Variants in PEAR1 observed in about 807,000 individuals in gnomAD.
PEAR1 encodes the protein platelet endothelial aggregation receptor 1.
Under a neutral mutation model 131.2 loss-of-function variants are expected in PEAR1, and 113 were observed. That is an observed-to-expected ratio of 0.86 (90% confidence interval 0.74 to 1.01). The LOEUF (loss-of-function observed/expected upper bound fraction) is 1.01. Ranked by LOEUF, PEAR1 falls within the 50% of genes least tolerant of loss-of-function variation. PEAR1 has a pLI of 0.00. For missense variants in PEAR1, 1,408 were observed against 1,391.1 expected (o/e 1.01, Z -0.19); for synonymous variants, 565 against 523.3 (o/e 1.08, Z -1.09).
chr1:156,907,453 G>T (rs1027287257), intron 6 of PEAR1, among the ~76,000 whole-genome samples, 157 bp from the exon 7 acceptor site: 1 of 152,166 alleles, frequency 6.6e-6, no homozygotes, highest in Non-Finnish European at 1.5e-5. Flanking sequence ...TTCCAGTCCT[G>T]GAAACCTTTG....
At chr1:156,901,927 G>T (rs1649721303) in intron 1 of PEAR1, among the ~76,000 whole-genome samples, 1 of 152,142 alleles carries the variant, frequency 6.6e-6, no homozygotes, top group Non-Finnish European at 1.5e-5. Flanking sequence ...CTATTTGGGA[G>T]TGGGGATGTG....
chr1:156,896,752 C>T (rs1463886669), intron 1 of PEAR1, among the ~76,000 whole-genome samples: 1 of 152,184 alleles, frequency 6.6e-6, no homozygotes, highest in African/African-American at 2.4e-5. Context: ...GATGAGGGCT[C>T]AGGCGGTGTG....
intron 3 of PEAR1, among the ~76,000 whole-genome samples, 154 bp from the exon 4 acceptor site, chr1:156,905,170 C>T (rs1650126017): frequency 6.6e-6 from 1 of 151,970 alleles, no homozygotes; most frequent in African/African-American, 2.4e-5. Context: ...GTGGCGAGAT[C>T]GTAGTGCACT....
chr1:156,909,715 G>A (rs764099091), intron 11 of PEAR1, 36 bp from the exon 12 acceptor site: 1 of 1,559,664 alleles, frequency 6.4e-7, no homozygotes, highest in Admixed American at 1.8e-5. Context: ...GAAGGGAAAT[G>A]GGTCCCCATA....
At position 156,912,585 on chromosome 1, in the gene PEAR1, A is replaced by G. The variant is rs752224242; in HGVS notation, c.2172A>G (p.Val724=). The G allele has an allele frequency of 1.9e-5, 30 of 1,613,950 alleles. No homozygotes were observed. Among genetic ancestry groups the G allele is most frequent in the Non-Finnish European group, 2.4e-5 (28 of 1,180,000 alleles). ...GCCACCCAGAGACTGGGGCCTGTGT[A>G]TGTCCCCCAGGGCACAGTGGTGCAC... is the stretch of plus-strand genomic sequence containing the variant. ...EKCHPETGAC[V]CPPGHSGAPC... Residue 724 remains valine (V), a synonymous_variant, in exon 17 of 23, where the codon GTA becomes GTG. Coordinates refer to ENST00000292357, the MANE Select transcript of PEAR1 (RefSeq NM_001080471.3).
chr1:156,906,325 G>A lies in PEAR1; in HGVS notation c.357G>A (p.Gln119=). 1 of 1,614,222 alleles carries A rather than the reference G, an allele frequency of 6.2e-7. No homozygotes were observed. Among genetic ancestry groups the A allele is most frequent in the South Asian group, 1.1e-5 (1 of 91,082 alleles). Residue 119 remains glutamine, a synonymous_variant, in exon 5 of 23, where the codon CAG becomes CAA. Transcript: ENST00000292357. ...CVHGRCVAPN[Q]CQCVPGWRGD... ...ATGGCCGTTGTGTGGCACCCAATCAGTGCCAATGTGTGCCAGGCTGGCGGG... is the reference window on the plus strand; with the variant it reads ...ATGGCCGTTGTGTGGCACCCAATCAATGCCAATGTGTGCCAGGCTGGCGGG...
At chr1:156,905,068 T>C (rs1220979874) in intron 3 of PEAR1, 52 of 1,279,794 alleles carry the variant, frequency 4.1e-5, no homozygotes, top group Non-Finnish European at 5.5e-5. Flanking sequence ...TGTTACAGTA[T>C]ATGCCTGTGG....
intron 15 of PEAR1, among the ~76,000 whole-genome samples, chr1:156,911,452 G>A (rs1651195634): frequency 6.6e-6 from 1 of 151,406 alleles, no homozygotes; most frequent in African/African-American, 2.4e-5. Context: ...GCTAATTTTT[G>A]TATGTTTAGT....
In PEAR1 at chr1:156,908,877, G is replaced by C. The variant is rs1194864187; in HGVS notation, c.1291-39G>C. 6.2e-7 allele frequency: 1 copy of C among 1,609,278 alleles called. No homozygotes were observed. The highest frequency in any genetic ancestry group is 1.1e-5 in the South Asian group (1 of 91,054). ...GAAGCGAGGCAGGTGGAGAGGCCAAGGAATGGGCCGCCCCTCTCACCCGCT... is the reference window on the plus strand; with the variant it reads ...GAAGCGAGGCAGGTGGAGAGGCCAACGAATGGGCCGCCCCTCTCACCCGCT... On this transcript the variant is annotated intron_variant, in intron 10 of 22. Transcript: ENST00000292357. The surrounding 1 kb of genome is among the most constrained non-coding windows in gnomAD (Gnocchi z 4.2).
intron 3 of PEAR1, 54 bp from the exon 4 acceptor site, chr1:156,905,268 CTG>C: frequency 1.3e-6 from 2 of 1,560,734 alleles, no homozygotes; most frequent in African/African-American, 2.7e-5. Context: ...CCTGGCCACA[CTG>C]TGGTGAGTGC....
rs1178741489 is a variant in PEAR1, at chr1:156,915,529, C to G, written c.*731C>G. 1 of 152,362 alleles carries G rather than the reference C, an allele frequency of 6.6e-6. No individual in the cohort carries two copies. Among genetic ancestry groups the G allele is most frequent in the African/African-American group, 2.4e-5 (1 of 41,458 alleles). 9.4% of individuals were successfully genotyped at this position (152,362 alleles called of 1,614,324 possible). On this transcript the variant is annotated 3_prime_UTR_variant, in exon 23 of 23. Coordinates refer to ENST00000292357, the MANE Select transcript of PEAR1 (RefSeq NM_001080471.3). ...TCTTTCTGGCACAGGGACCTGCACA[C>G]CTGGAGTGCCCTTCCTCCCCCACTC...
intron 5 of PEAR1, 92 bp from the exon 6 acceptor site, chr1:156,906,545 G>GGGCTGGGAGACAGA: frequency 6.4e-7 from 1 of 1,572,280 alleles, no homozygotes; most frequent in Middle Eastern, 2.0e-4. Flanking sequence ...GGGCCTGTGG[G>GGGCTGGGAGACAGA]GGCTGGGAGA....
rs1033392404 is a variant in PEAR1, at chr1:156,902,640, A to T, written c.-9-1278A>T. On this transcript the variant is annotated intron_variant, in intron 1 of 22. Transcript: ENST00000292357. This position sits in a 1 kb window ranked among gnomAD's most constrained non-coding sequence, Gnocchi z 4.3. Reference sequence around the variant, plus strand: ...AGGGCCAGGCAGCAACATTCCAGAGATACTCAGGGGGGTAAGGGGCCAGCA... The same window carrying T: ...AGGGCCAGGCAGCAACATTCCAGAGTTACTCAGGGGGGTAAGGGGCCAGCA... Among the ~76,000 whole-genome samples the T allele has an allele frequency of 2.6e-5, 4 of 151,880 alleles. No individual in the cohort carries two copies. Among genetic ancestry groups the T allele is most frequent in the Admixed American group, 1.3e-4 (2 of 15,248 alleles).
chr1:156,914,342 G>A (rs1242793380), intron 22 of PEAR1, among the ~76,000 whole-genome samples: 1 of 152,190 alleles, frequency 6.6e-6, no homozygotes, highest in African/African-American at 2.4e-5. Context: ...AAGTGGGGTC[G>A]TACAGCATCA....
At chr1:156,906,926 G>C (rs1175027612) in intron 6 of PEAR1, 46 bp downstream of exon 6, 3 of 1,582,762 alleles carry the variant, frequency 1.9e-6, no homozygotes, top group Non-Finnish European at 2.6e-6. Context: ...GCAGACACAA[G>C]GCCACACAGA....
rs190050309 is a variant in PEAR1 at position 156,914,683 on chromosome 1, C to G, written c.2999C>G (p.Pro1000Arg). Residue 1000 changes from proline to arginine, a missense_variant, in exon 23 of 23, where the codon CCG becomes CGG. Coordinates refer to ENST00000292357, the MANE Select transcript of PEAR1 (RefSeq NM_001080471.3). ...DSVGSQPPLP[P>R]GLPPGHYDSP... ...GTGGGCTCCCAGCCCCCTCTGCCTCCGGGCCTACCCCCCGGCCACTATGAC... is the reference window on the plus strand; with the variant it reads ...GTGGGCTCCCAGCCCCCTCTGCCTCGGGGCCTACCCCCCGGCCACTATGAC... The G allele has an allele frequency of 6.2e-7, 1 of 1,613,468 alleles. No homozygotes were observed. Among genetic ancestry groups the G allele is most frequent in the African/African-American group, 1.3e-5 (1 of 74,902 alleles).
At chr1:156,904,906 G>GCCTGGCC in intron 3 of PEAR1, 54 bp downstream of exon 3, 5 of 1,610,566 alleles carry the variant, frequency 3.1e-6, no homozygotes, top group Non-Finnish European at 4.2e-6. Context: ...CGCTGCCTCA[G>GCCTGGCC]CCTGGCCCCT....
At chr1:156,913,039 T>C in intron 18 of PEAR1, 57 bp downstream of exon 18, 1 of 1,600,052 alleles carries the variant, frequency 6.2e-7, no homozygotes, top group African/African-American at 1.3e-5. Flanking sequence ...GGCACAAGAG[T>C]GGATGCTGGG....
chr1:156,907,734 T>G lies in PEAR1; in HGVS notation c.765+4T>G, dbSNP rs767148019. On this transcript the variant is annotated splice_donor_region_variant and intron_variant, in intron 7 of 22. Transcript: ENST00000292357. ...CAGCTGCCCCCCTGGCTGGATGGTA[T>G]GGAGGGTGGGGCCTGTGGGCATGGG... 5.0e-6 allele frequency: 8 copies of G among 1,603,292 alleles called. No homozygotes were observed. The Admixed American group carries it at 1.2e-4, about 24-fold the overall frequency.
Sources: allele counts gnomAD v4.1 joint callset (sites outside exome capture counted in the v4.1 genomes callset), GRCh38; gene constraint gnomAD v4.1.1; non-coding constraint Gnocchi (gnomAD v3.1); transcripts MANE v1.5; gene names NCBI Gene and HGNC (gene_info 2026-07-23, HGNC 2026-07-21).